Variants in MAGI1 observed in about 807,000 individuals in gnomAD.
MAGI1 encodes membrane associated guanylate kinase, WW and PDZ domain containing 1.
Under a neutral mutation model 139.9 loss-of-function variants are expected in MAGI1, and 58 were observed. That is an observed-to-expected ratio of 0.41 (90% CI 0.34 to 0.52). The LOEUF is 0.52. Among genes scored for constraint, MAGI1 ranks in the 20% least tolerant of loss-of-function variants. The probability of loss-of-function intolerance (pLI) is 0.12; values close to 1 mark genes in which losing one functional copy is unlikely to be tolerated. For synonymous variants in MAGI1, 812 were observed against 737.9 expected, an observed-to-expected ratio of 1.10 and a Z score of -1.63; for missense variants, 1,874 against 1,901.6, an observed-to-expected ratio of 0.99 and a Z score of 0.27.
intron 1 of MAGI1, among the ~76,000 whole-genome samples, chr3:65,974,525 A>G (rs560538835): frequency 6.6e-6 from 1 of 152,282 alleles, no homozygotes; most frequent in Non-Finnish European, 1.5e-5. Flanking sequence ...GCTTCAAACA[A>G]TAAGCATTTA....
chr3:66,000,503 C>A (rs1238529358), intron 1 of MAGI1, among the ~76,000 whole-genome samples: 2 of 152,154 alleles, frequency 1.3e-5, no homozygotes, highest in Non-Finnish European at 2.9e-5. Context: ...AATCCCAACA[C>A]ATATACTGTG....
chr3:65,991,859 A>G (rs2066196562), intron 1 of MAGI1, among the ~76,000 whole-genome samples: 4 of 152,150 alleles, frequency 2.6e-5, no homozygotes, highest in African/African-American at 9.6e-5. Context: ...TACTAAAAAT[A>G]CAAAAGTTAG....
At chr3:66,026,548 A>G (rs1222281671) in intron 1 of MAGI1, among the ~76,000 whole-genome samples, 1 of 151,620 alleles carries the variant, frequency 6.6e-6, no homozygotes, top group African/African-American at 2.4e-5. Context: ...GACTACAAAG[A>G]TCCATAAAAT....
intron 3 of MAGI1, among the ~76,000 whole-genome samples, chr3:65,479,447 C>A (rs1011789603): frequency 3.3e-5 from 5 of 152,148 alleles, no homozygotes; most frequent in Admixed American, 3.3e-4. Flanking sequence ...TTCAGCCACT[C>A]TTTCCCAGTT....
At chr3:65,395,636 CA>C (rs58806140) in intron 13 of MAGI1, among the ~76,000 whole-genome samples, 1,826 of 19,096 alleles carry the variant, frequency 0.096, 102 homozygotes, top group Non-Finnish European at 0.14. Context: ...GACTCCATCT[CA>C]AAAAAAAAAA....
intron 1 of MAGI1, among the ~76,000 whole-genome samples, chr3:65,854,145 T>G (rs1360929635): frequency 1.4e-5 from 2 of 147,500 alleles, no homozygotes; most frequent in Non-Finnish European, 3.0e-5. Context: ...AGGTTAGCTG[T>G]GTAAAAATTC....
At chr3:65,516,983 C>T (rs947801655) in intron 2 of MAGI1, among the ~76,000 whole-genome samples, 2 of 151,766 alleles carry the variant, frequency 1.3e-5, no homozygotes, top group Non-Finnish European at 2.9e-5. Flanking sequence ...CCGCCTCGGC[C>T]TCCCAAAGTG....
intron 1 of MAGI1, among the ~76,000 whole-genome samples, chr3:65,935,297 G>A (rs2062995946): frequency 6.6e-6 from 1 of 152,138 alleles, no homozygotes; most frequent in South Asian, 2.1e-4. Context: ...AACAAAAGGG[G>A]GCATGTGGAA....
At chr3:65,920,792 A>C (rs2062139875) in intron 1 of MAGI1, among the ~76,000 whole-genome samples, 1 of 152,170 alleles carries the variant, frequency 6.6e-6, no homozygotes. Flanking sequence ...GCACTTTGGG[A>C]GGCCGAGGTG....
chr3:65,775,066 A>G (rs1319594386), intron 1 of MAGI1, among the ~76,000 whole-genome samples: 1 of 152,208 alleles, frequency 6.6e-6, no homozygotes, highest in African/African-American at 2.4e-5. Context: ...ATCAACCCAA[A>G]GAGCCACATG....
chr3:65,973,106 T>C (rs904458578), intron 1 of MAGI1, among the ~76,000 whole-genome samples: 1 of 151,892 alleles, frequency 6.6e-6, no homozygotes, highest in Non-Finnish European at 1.5e-5. Flanking sequence ...GCTATGATCA[T>C]GCCACTACAC....
chr3:65,412,533 G>A (rs763179255), intron 12 of MAGI1, among the ~76,000 whole-genome samples: 12 of 151,844 alleles, frequency 7.9e-5, no homozygotes, highest in Non-Finnish European at 7.4e-5. Context: ...CTATTTTATC[G>A]GTCTATCCCT....
intron 1 of MAGI1, among the ~76,000 whole-genome samples, chr3:65,933,586 C>G (rs1432660401): frequency 5.3e-5 from 8 of 152,076 alleles, no homozygotes; most frequent in Non-Finnish European, 1.0e-4. Flanking sequence ...AATGTCAGTC[C>G]TACTCAGCTT....
chr3:65,618,207 TG>T (rs536958334), intron 2 of MAGI1, among the ~76,000 whole-genome samples: 89 of 151,770 alleles, frequency 5.9e-4, no homozygotes, highest in African/African-American at 1.9e-3. Flanking sequence ...AAGCGCAGAG[TG>T]GGAGGGGTTG....
intron 2 of MAGI1, among the ~76,000 whole-genome samples, chr3:65,558,125 A>G (rs2080173349): frequency 6.6e-6 from 1 of 152,188 alleles, no homozygotes; most frequent in South Asian, 2.1e-4. Flanking sequence ...TTGAAGGATA[A>G]TTATCATCAT....
intron 2 of MAGI1, among the ~76,000 whole-genome samples, chr3:65,510,363 G>A (rs539186444): frequency 1.1e-4 from 17 of 151,952 alleles, no homozygotes; most frequent in Admixed American, 3.3e-4. Flanking sequence ...TCTGAGCTAC[G>A]GGGGGACATT....
chr3:65,683,187 AC>A (rs1399890082), intron 1 of MAGI1, among the ~76,000 whole-genome samples: 1 of 152,076 alleles, frequency 6.6e-6, no homozygotes, highest in Non-Finnish European at 1.5e-5. Flanking sequence ...GGGGATGGGG[AC>A]CCCTGGTATA....
At chr3:65,444,507 G>A (rs1448441564) in intron 7 of MAGI1, among the ~76,000 whole-genome samples, 4 of 152,100 alleles carry the variant, frequency 2.6e-5, no homozygotes, top group Admixed American at 6.6e-5. Context: ...TGAGATATGT[G>A]GCCTGATTAT....
chr3:65,750,245 A>G (rs2107819085), intron 1 of MAGI1, among the ~76,000 whole-genome samples: 1 of 152,330 alleles, frequency 6.6e-6, no homozygotes, highest in East Asian at 1.9e-4. Flanking sequence ...GCAGGAACAG[A>G]AATCTGGAGA....
Sources: gnomAD v4.1 joint callset for allele counts (sites outside exome capture counted in the v4.1 genomes callset) on GRCh38, gnomAD v4.1.1 for gene constraint, MANE v1.5 for transcripts, NCBI Gene and HGNC (gene_info 2026-07-23, HGNC 2026-07-21) for gene names.